PHACTR4: variants seen among roughly 807,000 people sequenced by gnomAD.
The protein encoded by PHACTR4 is phosphatase and actin regulator 4.
PHACTR4 carries 51 observed loss-of-function variants against 72.7 expected under a neutral mutation model. That is an observed-to-expected ratio of 0.70 (90% CI 0.56 to 0.89). The LOEUF is 0.89. Among genes scored for constraint, PHACTR4 ranks in the 40% least tolerant of loss-of-function variants. PHACTR4 has a pLI of 0.00. For missense variants in PHACTR4, 731 were observed against 861.8 expected, an observed-to-expected ratio of 0.85 and a Z score of 1.90; for synonymous variants, 255 against 302.5, an observed-to-expected ratio of 0.84 and a Z score of 1.63.
chr1:28,387,296 A>G (rs1054728116), intron 1 of PHACTR4, among the ~76,000 whole-genome samples: 3 of 151,614 alleles, frequency 2.0e-5, no homozygotes, highest in Non-Finnish European at 4.4e-5. Flanking sequence ...GCCCTCAAAC[A>G]GTTTTCCCCC....
rs577481523 is a variant in PHACTR4 at position 28,410,257 on chromosome 1, T to C, written c.16+2794T>C. Reference sequence around the variant, plus strand: ...CTGGGATTACAGGCGTGAGCCACCGTGCCCAGCCACTTATTCCTAAAGTTT... The same window carrying C: ...CTGGGATTACAGGCGTGAGCCACCGCGCCCAGCCACTTATTCCTAAAGTTT... On this transcript the variant is annotated intron_variant, in intron 2 of 13. Transcript: ENST00000373839. Among the ~76,000 whole-genome samples, 286 of 122,578 alleles carry C rather than the reference T, an allele frequency of 2.3e-3. 1 individual carries two copies. The highest frequency in any genetic ancestry group is 2.4e-3 in the Non-Finnish European group (127 of 53,214). The allele number at this position is 122,578 out of a possible 152,430, so 80.4% of individuals were successfully genotyped here. A position where few individuals can be genotyped will look rare whatever the true frequency, so the allele number is the denominator to read the frequency against.
At chr1:28,469,589 A>G (rs61785970) in intron 6 of PHACTR4, among the ~76,000 whole-genome samples, 39,780 of 152,138 alleles carry the variant, frequency 0.26, 5,335 homozygotes, top group Middle Eastern at 0.34. Context: ...ATATTCATTT[A>G]TGGTCTCATC....
intron 2 of PHACTR4, chr1:28,457,198 C>A (rs1384765412): frequency 4.0e-5 from 15 of 371,046 alleles, no homozygotes; most frequent in Non-Finnish European, 3.9e-5. Flanking sequence ...CTTCCCTAAA[C>A]CTCCATCAAT....
At chr1:28,459,329 T>C in intron 3 of PHACTR4, 71 bp downstream of exon 3, 4 of 1,386,288 alleles carry the variant, frequency 2.9e-6, no homozygotes, top group Non-Finnish European at 4.0e-6. Context: ...AATTTTTCCT[T>C]ATCTTCCCAA....
At position 28,473,710 on chromosome 1, in the gene PHACTR4, C is replaced by T. The variant is rs766215270; in HGVS notation, c.980C>T (p.Thr327Met). 8 of 1,614,076 alleles carry T rather than the reference C, an allele frequency of 5.0e-6. No homozygotes were observed. Among genetic ancestry groups the T allele is most frequent in the South Asian group, 2.2e-5 (2 of 91,076 alleles). The change falls in exon 7 of 14, where the codon ACG (threonine) becomes ATG (methionine). Residue 327 changes from threonine to methionine, a missense_variant. Coordinates refer to ENST00000373839, the MANE Select transcript of PHACTR4 (RefSeq NM_001048183.3). Reference protein sequence around the residue: ...KTPSDEREKSTCSMGSELLPM... With the variant: ...KTPSDEREKSMCSMGSELLPM... ...CCAAGTGATGAAAGAGAGAAGAGCA[C>T]GTGTTCTATGGGCTCGGAACTACTA...
intron 2 of PHACTR4, among the ~76,000 whole-genome samples, chr1:28,446,900 G>A (rs537197573): frequency 6.6e-6 from 1 of 152,054 alleles, no homozygotes; most frequent in Non-Finnish European, 1.5e-5. Context: ...AGCTTCCCCC[G>A]AAGCCAGGCA....
At chr1:28,421,164 T>C (rs1655483597) in intron 2 of PHACTR4, among the ~76,000 whole-genome samples, 1 of 152,170 alleles carries the variant, frequency 6.6e-6, no homozygotes, top group Non-Finnish European at 1.5e-5. Context: ...TGACCTTTCA[T>C]GATCAGAGCT....
At chr1:28,384,807 G>A (rs75114813) in intron 1 of PHACTR4, among the ~76,000 whole-genome samples, 14,237 of 152,116 alleles carry the variant, frequency 0.094, 1,479 homozygotes, top group African/African-American at 0.26. Flanking sequence ...CATGAGAATC[G>A]CCTCAACCTG....
chr1:28,483,818 A>AG (rs1162798173), intron 9 of PHACTR4, among the ~76,000 whole-genome samples: 5 of 146,070 alleles, frequency 3.4e-5, no homozygotes, highest in Admixed American at 6.9e-5. Context: ...AAAAAAAAAA[A>AG]AGAGAGAGAT....
At chr1:28,426,509 AC>A (rs1216165843) in intron 2 of PHACTR4, among the ~76,000 whole-genome samples, 1 of 150,946 alleles carries the variant, frequency 6.6e-6, no homozygotes, top group African/African-American at 2.4e-5. Context: ...TACAAAAAAA[AC>A]CCAATTAGCC....
intron 2 of PHACTR4, among the ~76,000 whole-genome samples, chr1:28,443,407 G>A (rs1020117098): frequency 2.0e-5 from 3 of 151,200 alleles, no homozygotes; most frequent in Non-Finnish European, 4.4e-5. Flanking sequence ...TCAGCCTCCC[G>A]AGTAGCTGGG....
chr1:28,462,987 T>G (rs927313929), intron 4 of PHACTR4, among the ~76,000 whole-genome samples: 16 of 152,104 alleles, frequency 1.1e-4, no homozygotes, highest in Non-Finnish European at 8.8e-5. Flanking sequence ...TCCCTTGAAC[T>G]CAGTAGTTCC....
chr1:28,495,050 G>A (rs990120152), intron 13 of PHACTR4, among the ~76,000 whole-genome samples: 1 of 152,186 alleles, frequency 6.6e-6, no homozygotes, highest in East Asian at 1.9e-4. Context: ...TCAACAAGAT[G>A]TGGCAATTTG....
intron 2 of PHACTR4, among the ~76,000 whole-genome samples, chr1:28,420,175 G>C (rs984843984): frequency 3.3e-5 from 5 of 152,132 alleles, no homozygotes; most frequent in Admixed American, 6.6e-5. Context: ...CTTGTGCCTG[G>C]GAGATTGAGG....
chr1:28,466,905 G>A, intron 6 of PHACTR4, 137 bp downstream of exon 6: 1 of 1,310,060 alleles, frequency 7.6e-7, no homozygotes, highest in Non-Finnish European at 1.0e-6. Context: ...CCTCAATATG[G>A]AGAAAAGTCT....
At chr1:28,412,630 T>C (rs1569868904) in intron 2 of PHACTR4, among the ~76,000 whole-genome samples, 1 of 152,232 alleles carries the variant, frequency 6.6e-6, no homozygotes, top group South Asian at 2.1e-4. Flanking sequence ...TTGCTCACCA[T>C]TGCTTTTGTA....
At chr1:28,430,084 G>A (rs986647595) in intron 2 of PHACTR4, among the ~76,000 whole-genome samples, 4 of 151,754 alleles carry the variant, frequency 2.6e-5, no homozygotes, top group East Asian at 3.9e-4. Flanking sequence ...GTGCAGTGGC[G>A]TGATCTCGGC....
At chr1:28,455,960 A>G (rs554225349) in intron 2 of PHACTR4, among the ~76,000 whole-genome samples, 122 of 152,340 alleles carry the variant, frequency 8.0e-4, no homozygotes, top group African/African-American at 2.8e-3. Flanking sequence ...CATGAGAAGC[A>G]AAGAAAATGT....
At chr1:28,454,171 A>C (rs967935156) in intron 2 of PHACTR4, among the ~76,000 whole-genome samples, 2 of 152,130 alleles carry the variant, frequency 1.3e-5, no homozygotes, top group Admixed American at 6.6e-5. Context: ...AAGTCCATTC[A>C]AAAGGAAGAT....
Sources: allele counts gnomAD v4.1 joint callset (sites outside exome capture counted in the v4.1 genomes callset), GRCh38; gene constraint gnomAD v4.1.1; transcripts MANE v1.5; gene names NCBI Gene and HGNC (gene_info 2026-07-23, HGNC 2026-07-21).